The following ANTXR1 variants were observed in gnomAD, a reference collection of about 807,000 sequenced individuals.
The protein encoded by ANTXR1 is anthrax toxin receptor 1.
In ANTXR1, 19 loss-of-function variants were observed where a neutral mutation model predicts 78.1. That is an observed-to-expected ratio of 0.24 (90% CI 0.17 to 0.36). ANTXR1 has a LOEUF of 0.36. ANTXR1 is among the 10% of genes least tolerant of loss of function. ANTXR1 has a pLI of 1.00. For missense variants in ANTXR1, 518 were observed against 718.6 expected, an observed-to-expected ratio of 0.72 and a Z score of 3.19; for synonymous variants, 273 against 260.5, an observed-to-expected ratio of 1.05 and a Z score of -0.46.
chr2:69,122,976 C>T, intron 10 of ANTXR1, 41 bp from the exon 11 acceptor site: 2 of 1,590,950 alleles, frequency 1.3e-6, no homozygotes, highest in East Asian at 2.2e-5. Context: ...AAATTATAAA[C>T]TCACCTCCCT....
chr2:69,185,220 C>T (rs1674387946), intron 16 of ANTXR1, among the ~76,000 whole-genome samples: 1 of 152,168 alleles, frequency 6.6e-6, no homozygotes, highest in African/African-American at 2.4e-5. Context: ...GGGGCCCAGC[C>T]ATCTGGGTTT....
intron 9 of ANTXR1, among the ~76,000 whole-genome samples, chr2:69,098,152 G>T (rs1022740132): frequency 6.6e-6 from 1 of 152,124 alleles, no homozygotes; most frequent in Non-Finnish European, 1.5e-5. Flanking sequence ...TGACAGCTAC[G>T]CTCACTGTCT....
At chr2:69,113,461 C>T (rs1672052755) in intron 10 of ANTXR1, among the ~76,000 whole-genome samples, 2 of 152,174 alleles carry the variant, frequency 1.3e-5, no homozygotes, top group Admixed American at 6.5e-5. Context: ...AAGTTGGGTA[C>T]TGCTGAGGGA....
chr2:69,082,641 G>A (rs553390882), intron 8 of ANTXR1, among the ~76,000 whole-genome samples: 43 of 152,218 alleles, frequency 2.8e-4, no homozygotes, highest in Non-Finnish European at 4.6e-4. Flanking sequence ...ATAACACCGA[G>A]ATGGGTCAGC....
chr2:69,024,819 T>C (rs1345507036), intron 1 of ANTXR1, among the ~76,000 whole-genome samples: 2 of 152,192 alleles, frequency 1.3e-5, no homozygotes, highest in Admixed American at 1.3e-4. Context: ...CTTTGCTTCA[T>C]TTCTTTACCC....
At chr2:69,229,316 T>C (rs1404868243) in intron 17 of ANTXR1, among the ~76,000 whole-genome samples, 2 of 152,192 alleles carry the variant, frequency 1.3e-5, no homozygotes, top group African/African-American at 4.8e-5. Flanking sequence ...GCTACTGGCA[T>C]AGGAAAAGAA....
intron 17 of ANTXR1, among the ~76,000 whole-genome samples, chr2:69,235,687 G>A (rs1053077125): frequency 6.8e-6 from 1 of 146,390 alleles, no homozygotes; most frequent in African/African-American, 2.5e-5. Context: ...TAGACTCTAT[G>A]GATTGATATA....
chr2:69,069,427 C>T (rs891732557), intron 3 of ANTXR1, among the ~76,000 whole-genome samples: 3 of 152,196 alleles, frequency 2.0e-5, no homozygotes, highest in South Asian at 2.1e-4. Flanking sequence ...TTAAGTGGAT[C>T]GATTGTATTT....
At chr2:69,215,873 T>C (rs1463585090) in intron 17 of ANTXR1, among the ~76,000 whole-genome samples, 2 of 152,222 alleles carry the variant, frequency 1.3e-5, no homozygotes, top group African/African-American at 4.8e-5. Context: ...GCTAATCAGA[T>C]ATTCTATCAG....
At chr2:69,051,767 T>C (rs1310118843) in intron 3 of ANTXR1, among the ~76,000 whole-genome samples, 6 of 152,248 alleles carry the variant, frequency 3.9e-5, no homozygotes, top group Admixed American at 1.3e-4. Flanking sequence ...TTCCAACACA[T>C]TGCTTTTTAA....
intron 12 of ANTXR1, among the ~76,000 whole-genome samples, chr2:69,147,890 A>C (rs552986829): frequency 1.3e-5 from 2 of 152,316 alleles, no homozygotes; most frequent in South Asian, 4.1e-4. Context: ...TAAATGAGAG[A>C]ATGCATAGAT....
chr2:69,244,442 A>C (rs780886577), intron 17 of ANTXR1, among the ~76,000 whole-genome samples: 1 of 152,236 alleles, frequency 6.6e-6, no homozygotes, highest in African/African-American at 2.4e-5. Flanking sequence ...AGCCAGAACA[A>C]GGGCAGGACA....
At chr2:69,133,273 G>T (rs768211134) in intron 12 of ANTXR1, among the ~76,000 whole-genome samples, 6 of 152,162 alleles carry the variant, frequency 3.9e-5, no homozygotes, top group African/African-American at 1.4e-4. Context: ...CTGAAGAAAA[G>T]AAGACCCTTC....
At chr2:69,222,782 A>G (rs1231397973) in intron 17 of ANTXR1, among the ~76,000 whole-genome samples, 1 of 152,204 alleles carries the variant, frequency 6.6e-6, no homozygotes, top group Non-Finnish European at 1.5e-5. Context: ...TCTCATTCAC[A>G]AGGAAATGTT....
At chr2:69,026,241 T>C (rs1671340275) in intron 1 of ANTXR1, among the ~76,000 whole-genome samples, 2 of 152,214 alleles carry the variant, frequency 1.3e-5, no homozygotes, top group Non-Finnish European at 2.9e-5. Context: ...AAGCATGGAC[T>C]TCAACATGGA....
chr2:69,029,576 G>A (rs1039395567), intron 1 of ANTXR1, among the ~76,000 whole-genome samples: 6 of 151,330 alleles, frequency 4.0e-5, no homozygotes, highest in African/African-American at 1.5e-4. Flanking sequence ...AAAAAAATAG[G>A]CTCAACAAAA....
chr2:69,236,645 G>T (rs1675771280), intron 17 of ANTXR1, among the ~76,000 whole-genome samples: 2 of 152,142 alleles, frequency 1.3e-5, no homozygotes, highest in South Asian at 4.1e-4. Flanking sequence ...CAAACAATTT[G>T]TTCTAAAACA....
At chr2:69,139,325 T>G (rs1673006118) in intron 12 of ANTXR1, among the ~76,000 whole-genome samples, 1 of 152,236 alleles carries the variant, frequency 6.6e-6, no homozygotes, top group African/African-American at 2.4e-5. Flanking sequence ...GCTCAGGCAC[T>G]GCACATTGCA....
chr2:69,023,335 A>G (rs1290659419), intron 1 of ANTXR1, among the ~76,000 whole-genome samples: 1 of 151,806 alleles, frequency 6.6e-6, no homozygotes, highest in African/African-American at 2.4e-5. Context: ...TGATGGTGAC[A>G]GTGATAGTGG....
Sources: allele counts gnomAD v4.1 joint callset (sites outside exome capture counted in the v4.1 genomes callset), GRCh38; gene constraint gnomAD v4.1.1; transcripts MANE v1.5; gene names NCBI Gene and HGNC (gene_info 2026-07-23, HGNC 2026-07-21).